The following PACRGL variants were observed in gnomAD, a reference collection of about 807,000 sequenced individuals.
PACRGL encodes parkin coregulated like, also known as PACRG-like protein.
A neutral mutation model predicts 34.5 loss-of-function variants in PACRGL; 38 were observed. The ratio of observed to expected loss-of-function variants is 1.10; its 90% confidence interval spans 0.85 to 1.44. PACRGL has a LOEUF of 1.44. Ranked by LOEUF, PACRGL falls within the 40% of genes most tolerant of loss-of-function variation. PACRGL has a pLI of 0.00. For synonymous variants in PACRGL, 128 were observed against 100.1 expected (o/e 1.28, Z -1.66); for missense variants, 305 against 281.4 (o/e 1.08, Z -0.60).
the PACRGL span, chr4:20,767,134 C>T: frequency 6.6e-5 from 10 of 152,144 alleles, no homozygotes; most frequent in South Asian, 1.2e-3. Flanking sequence ...ACATCAATGC[C>T]GATAGACCAA....
chr4:20,707,883 T>A lies in PACRGL; in HGVS notation c.275+13T>A, dbSNP rs749792579. The A allele has an allele frequency of 1.3e-6, 2 of 1,595,458 alleles. No homozygotes were observed. Among genetic ancestry groups the A allele is most frequent in the Admixed American group, 3.3e-5 (2 of 59,914 alleles). On this transcript the variant is annotated intron_variant, in intron 4 of 8. Transcript: ENST00000503585. ...GTATTCCTTGCAGGTAAAATCAATA[T>A]GATTTATAACTGACCAAATTATTCA...
chr4:20,749,057 C>T (rs1241664187), intron 8 of PACRGL, among the ~76,000 whole-genome samples: 2 of 151,292 alleles, frequency 1.3e-5, no homozygotes, highest in Non-Finnish European at 2.9e-5. Flanking sequence ...ACTCAGGAGG[C>T]TGAGACAGGA....
intron 8 of PACRGL, among the ~76,000 whole-genome samples, chr4:20,726,683 A>ATATTCAT (rs1578354452): frequency 6.6e-6 from 1 of 152,168 alleles, no homozygotes; most frequent in East Asian, 1.9e-4. Flanking sequence ...TATATCAATG[A>ATATTCAT]TGGAACTATT....
intron 8 of PACRGL, among the ~76,000 whole-genome samples, chr4:20,742,862 C>T (rs541852992): frequency 5.9e-5 from 9 of 152,222 alleles, no homozygotes; most frequent in Admixed American, 1.3e-4. Context: ...GCAACTTAAG[C>T]GAAGTCTCAG....
At chr4:20,753,898 G>T (rs1441048196), downstream of PACRGL, among the ~76,000 whole-genome samples, 1 of 104,102 alleles carries the variant, frequency 9.6e-6, no homozygotes, top group Non-Finnish European at 1.9e-5. Context: ...TCTGACTTGA[G>T]CTCATTTGTT....
At chr4:20,702,823 A>G (rs1206721684) in intron 1 of PACRGL, 1 of 152,280 alleles carries the variant, frequency 6.6e-6, no homozygotes, top group Admixed American at 6.5e-5. Flanking sequence ...TTACCGTAGT[A>G]TTAGAAAATG....
chr4:20,717,235 C>G (rs1179764763), intron 7 of PACRGL, among the ~76,000 whole-genome samples: 1 of 151,950 alleles, frequency 6.6e-6, no homozygotes, highest in Admixed American at 6.6e-5. Context: ...GGATATTAGC[C>G]CTTTGTCAGA....
chr4:20,748,894 GTATATATA>G (rs57841958), intron 8 of PACRGL, among the ~76,000 whole-genome samples: 53 of 145,252 alleles, frequency 3.6e-4, no homozygotes, highest in African/African-American at 1.2e-3. Flanking sequence ...GTGTGTGTGT[GTATATATA>G]TATATATATA....
intron 8 of PACRGL, among the ~76,000 whole-genome samples, chr4:20,748,216 C>A (rs1752782832): frequency 6.6e-6 from 1 of 152,122 alleles, no homozygotes; most frequent in African/African-American, 2.4e-5. Context: ...CTTCCCCAAC[C>A]TTCGCTCTTG....
Position 20,724,873 on chromosome 4 carries a change from G to A in PACRGL, c.675G>A (p.Glu225=), listed in dbSNP as rs1245001718. 1.3e-6 allele frequency: 2 copies of A among 1,486,184 alleles called. No homozygotes were observed. Among genetic ancestry groups the A allele is most frequent in the Non-Finnish European group, 1.8e-6 (2 of 1,126,372 alleles). 92.1% of individuals were successfully genotyped at this position (1,486,184 alleles called of 1,614,324 possible). ...TCACCAGCGCATTACAAAAGCTAGAGCAACATGGTGGAAGTGTAAGTAGAA... is the reference window on the plus strand; with the variant it reads ...TCACCAGCGCATTACAAAAGCTAGAACAACATGGTGGAAGTGTAAGTAGAA... ...EPITSALQKL[E]QHGGSGSLSI... The change falls in exon 8 of 9, where the codon GAG becomes GAA. Residue 225 remains glutamate (E), a synonymous_variant. Coordinates refer to ENST00000503585, the MANE Select transcript of PACRGL (RefSeq NM_001258345.3).
intron 1 of PACRGL, among the ~76,000 whole-genome samples, chr4:20,703,669 T>G (rs576196039): frequency 2.0e-5 from 3 of 152,246 alleles, no homozygotes; most frequent in Non-Finnish European, 2.9e-5. Context: ...ACTTGAGAGA[T>G]AATTTCATTT....
At chr4:20,758,650 A>G in the PACRGL span, among the ~76,000 whole-genome samples, 1 of 152,318 alleles carries the variant, frequency 6.6e-6, no homozygotes, top group South Asian at 2.1e-4. Context: ...GATAATTTCT[A>G]AGTCGCTGGC....
downstream of PACRGL, among the ~76,000 whole-genome samples, chr4:20,733,163 C>G (rs1249949479): frequency 6.6e-6 from 1 of 152,032 alleles, no homozygotes; most frequent in Non-Finnish European, 1.5e-5. Context: ...TATTGAGAAT[C>G]AAATATACGG....
chr4:20,701,994 C>T (rs1732381736), intron 1 of PACRGL: 1 of 448,242 alleles, frequency 2.2e-6, no homozygotes, highest in Non-Finnish European at 4.5e-6. Flanking sequence ...ATGTTTAATG[C>T]TGAAAATTAT....
intron 7 of PACRGL, among the ~76,000 whole-genome samples, chr4:20,714,386 G>A (rs1377746020): frequency 2.0e-5 from 3 of 152,080 alleles, no homozygotes; most frequent in Admixed American, 1.3e-4. Flanking sequence ...TTGAGCCTAT[G>A]TGTGTCTCTT....
the PACRGL span, among the ~76,000 whole-genome samples, chr4:20,763,868 A>G: frequency 6.6e-6 from 1 of 152,150 alleles, no homozygotes; most frequent in African/African-American, 2.4e-5. Flanking sequence ...ATGTTGTAAC[A>G]TGAAGATTAT....
chr4:20,700,082 C>A (rs183367670), upstream of PACRGL, among the ~76,000 whole-genome samples: 3 of 152,192 alleles, frequency 2.0e-5, no homozygotes, highest in Admixed American at 2.0e-4. Context: ...GGGAGGAGTT[C>A]ACAGTCTTCA....
chr4:20,705,425 A>G (rs1734077412), intron 3 of PACRGL, among the ~76,000 whole-genome samples: 1 of 152,130 alleles, frequency 6.6e-6, no homozygotes, highest in African/African-American at 2.4e-5. Context: ...CTCCTGACTG[A>G]CTGTGGTGGT....
At chr4:20,744,857 C>G (rs1428005653) in intron 8 of PACRGL, among the ~76,000 whole-genome samples, 1 of 152,130 alleles carries the variant, frequency 6.6e-6, no homozygotes, top group Non-Finnish European at 1.5e-5. Flanking sequence ...TAGTAGGTCC[C>G]AAATTTCCAT....
Sources: allele counts gnomAD v4.1 joint callset (sites outside exome capture counted in the v4.1 genomes callset), GRCh38; gene constraint gnomAD v4.1.1; transcripts MANE v1.5; gene names NCBI Gene and HGNC (gene_info 2026-07-23, HGNC 2026-07-21).